Variants in ZFP57 observed in about 807,000 individuals in gnomAD.
ZFP57 encodes zinc finger protein 57 homolog.
A neutral mutation model predicts 15.8 loss-of-function variants in ZFP57; 12 were observed. The observed-to-expected ratio is 0.76, with a 90% CI of 0.49 to 1.23. The LOEUF is 1.23. ZFP57 is among the 50% of genes most tolerant of loss of function. The pLI, the probability that ZFP57 is intolerant of heterozygous loss-of-function variation, is 0.00. For missense variants in ZFP57, 536 were observed against 654.9 expected, an observed-to-expected ratio of 0.82 and a Z score of 1.98; for synonymous variants, 203 against 242.3, an observed-to-expected ratio of 0.84 and a Z score of 1.51.
At chr6:29,674,167 GAGAAGA>G (rs200091395) in intron 4 of ZFP57, among the ~76,000 whole-genome samples, 49 of 148,692 alleles carry the variant, frequency 3.3e-4, no homozygotes, top group African/African-American at 2.5e-4. Context: ...AGAAGAGAAG[GAGAAGA>G]AGAAGAAGAA....
Position 29,673,452 on chromosome 6 carries a change from T to C in ZFP57, c.659A>G (p.Tyr220Cys), listed in dbSNP as rs1438833770. The C allele has an allele frequency of 1.2e-6, 2 of 1,613,118 alleles. No individual in the cohort carries two copies. Among genetic ancestry groups the C allele is most frequent in the South Asian group, 1.1e-5 (1 of 91,092 alleles). The change falls in exon 5 of 5, where the codon TAT (tyrosine) becomes TGT (cysteine). Residue 220 changes from tyrosine (Y) to cysteine (C), a missense_variant. By Grantham distance (194) the Tyr-to-Cys change is radical (BLOSUM62 -2). Transcript: ENST00000376883. This position sits in a 1 kb window ranked among gnomAD's most constrained non-coding sequence, Gnocchi z 4.7. ...CTCCCCAAGATGCATGCGTCTGTGA[T>C]AGCTGAGGGACTTGGGGCTCCGAAA... ...KLFRSPKSLSYHRRMHLGERP... is the reference protein window; with the variant it reads ...KLFRSPKSLSCHRRMHLGERP...
chr6:29,676,813 A>G, intron 2 of ZFP57, 68 bp downstream of exon 2: 1 of 1,589,430 alleles, frequency 6.3e-7, no homozygotes, highest in Non-Finnish European at 8.6e-7. Context: ...TGCAGGCAGG[A>G]GTATGTATGA....
Position 29,673,892 on chromosome 6 carries a change from G to A in ZFP57, c.353-134C>T, listed in dbSNP as rs536469528. 9.2e-5 allele frequency: 91 copies of A among 985,888 alleles called. No individual in the cohort carries two copies. Among genetic ancestry groups the A allele is most frequent in the South Asian group, 5.5e-4 (40 of 72,244 alleles). The allele number at this position is 985,888 out of a possible 1,614,324, so 61.1% of individuals were successfully genotyped here. A position where few individuals can be genotyped will look rare whatever the true frequency, so the allele number is the denominator to read the frequency against. On this transcript the variant is annotated intron_variant, in intron 4 of 4. Coordinates refer to ENST00000376883, the MANE Select transcript of ZFP57 (RefSeq NM_001109809.5). The surrounding 1 kb of genome is among the most constrained non-coding windows in gnomAD (Gnocchi z 4.7). ...GCGGATCACCTGAGGTTAGGAGTTC[G>A]AAACCAGCCTGACCAACATGGTGAA...
At chr6:29,680,043 A>T (rs62392955) in intron 1 of ZFP57, among the ~76,000 whole-genome samples, 7,588 of 152,210 alleles carry the variant, frequency 0.05, 329 homozygotes, top group East Asian at 0.17. Context: ...CTAAGTGTGG[A>T]TTCTAACCCC....
intron 2 of ZFP57, among the ~76,000 whole-genome samples, chr6:29,676,531 G>A (rs3094579): frequency 0.2 from 22,624 of 112,656 alleles, 2,293 homozygotes; most frequent in South Asian, 0.37. Context: ...GCGAGACTCC[G>A]TCTCAAAAAA....
chr6:29,676,265 C>T (rs140030640), intron 2 of ZFP57, among the ~76,000 whole-genome samples: 3 of 152,204 alleles, frequency 2.0e-5, no homozygotes, highest in Non-Finnish European at 4.4e-5. Context: ...AGGCCGGACG[C>T]GGTGGCTCAC....
chr6:29,680,152 G>A (rs913921305), intron 1 of ZFP57, among the ~76,000 whole-genome samples: 3 of 152,106 alleles, frequency 2.0e-5, no homozygotes, highest in African/African-American at 7.2e-5. Context: ...GCCGGCGGGA[G>A]GAGGAAGGAG....
chr6:29,678,653 T>C (rs1772189085), intron 1 of ZFP57, among the ~76,000 whole-genome samples: 1 of 106,256 alleles, frequency 9.4e-6, no homozygotes, highest in Non-Finnish European at 2.3e-5. Context: ...AATTGTTCTA[T>C]CTTATTACTA....
intron 1 of ZFP57, among the ~76,000 whole-genome samples, chr6:29,678,519 G>C (rs988435574): frequency 1.3e-4 from 20 of 152,112 alleles, no homozygotes; most frequent in Admixed American, 1.3e-3. Flanking sequence ...AAAATAAAAA[G>C]GTAAAAATTC....
At chr6:29,676,535 CAAAAAAAAAAAAAAGAAAA>C (rs1398163253) in intron 2 of ZFP57, among the ~76,000 whole-genome samples, 1 of 62,562 alleles carries the variant, frequency 1.6e-5, no homozygotes, top group Non-Finnish European at 3.2e-5. Flanking sequence ...GACTCCGTCT[CAAAAAAAAAAAAAAGAAAA>C]AAAAAAAAAG....
Position 29,677,017 on chromosome 6 carries a change from G to A in ZFP57, c.-14C>T. On this transcript the variant is annotated 5_prime_UTR_variant, in exon 2 of 5. Coordinates refer to ENST00000376883, the MANE Select transcript of ZFP57 (RefSeq NM_001109809.5). ...CTGTTCAAACATCTTCTCTTCTGTG[G>A]TGTCTCTTTCTAGCTTTATCCACTC... 2 of 1,614,052 alleles carry A rather than the reference G, an allele frequency of 1.2e-6. No homozygotes were observed. The highest frequency in any genetic ancestry group is 2.2e-5 in the South Asian group (2 of 91,080).
intron 3 of ZFP57, 97 bp downstream of exon 3, chr6:29,675,836 G>A (rs1166116847): frequency 1.7e-5 from 25 of 1,498,504 alleles, no homozygotes; most frequent in Non-Finnish European, 1.9e-5. Flanking sequence ...CCAGGGGTCA[G>A]TGAAACTAAT....
Position 29,675,991 on chromosome 6 carries a change from G to A in ZFP57, c.192C>T (p.Ser64=), listed in dbSNP as rs779376984. 6 of 1,613,308 alleles carry A rather than the reference G, an allele frequency of 3.7e-6. No homozygotes were observed. Among genetic ancestry groups the A allele is most frequent in the Non-Finnish European group, 5.1e-6 (6 of 1,179,972 alleles). The change falls in exon 3 of 5, where the codon AGC becomes AGT. Residue 64 remains serine, a synonymous_variant. Transcript: ENST00000376883. ...TQEEWDCLDA[S]QRVLYQDVMS... is the part of the protein sequence containing the mutation. ...TAACATCCTGGTAAAGGACCCTCTG[G>A]CTGGCATCTAGACAGTCCCACTCTT...
Position 29,675,489 on chromosome 6 carries a change from T to C in ZFP57, c.251-2A>G. The C allele has an allele frequency of 6.2e-7, 1 of 1,613,730 alleles. No individual in the cohort carries two copies. Among genetic ancestry groups the C allele is most frequent in the Non-Finnish European group, 8.5e-7 (1 of 1,179,658 alleles). On this transcript the variant is annotated splice_acceptor_variant, in intron 3 of 4. Coordinates refer to ENST00000376883, the MANE Select transcript of ZFP57 (RefSeq NM_001109809.5). LOFTEE classifies it high-confidence loss of function. The stretch of plus-strand genomic sequence containing the variant: ...CTGGCTTATGCAGAAAGATTCTGGC[T>C]GATGTGTGGGAATGAGAAAGAGTTG...
intron 4 of ZFP57, among the ~76,000 whole-genome samples, chr6:29,674,306 C>T (rs1394408556): frequency 6.6e-6 from 1 of 152,180 alleles, no homozygotes; most frequent in East Asian, 1.9e-4. Flanking sequence ...CTTCTTGTCT[C>T]TGCCCTTGCT....
At chr6:29,676,355 G>A (rs896236780) in intron 2 of ZFP57, among the ~76,000 whole-genome samples, 1 of 151,910 alleles carries the variant, frequency 6.6e-6, no homozygotes, top group African/African-American at 2.4e-5. Flanking sequence ...GACCAATATG[G>A]TGAAACCTGG....
chr6:29,681,033 G>C (rs896091570), intron 1 of ZFP57, 29 bp downstream of exon 1: 1 of 152,342 alleles, frequency 6.6e-6, no homozygotes, highest in Non-Finnish European at 1.5e-5. Context: ...ACTACCGCTA[G>C]CGCGACTCCC....
chr6:29,673,581 CA>C lies in ZFP57; in HGVS notation c.529del (p.Cys177AlafsTer25), dbSNP rs1272756745. 6.2e-7 allele frequency: 1 copy of C among 1,611,746 alleles called. No homozygotes were observed. The highest frequency in any genetic ancestry group is 1.3e-5 in the African/African-American group (1 of 74,814). ...GCTGAAACATTTGCCACAGGTGTAGCAAAAAAAGGGTGGCCCAGCCTGGGAT... is the reference window on the plus strand; with the variant it reads ...GCTGAAACATTTGCCACAGGTGTAGCAAAAAAGGGTGGCCCAGCCTGGGAT... ...QASQAGPPFF[C>X]YTCGKCFSRR... On this transcript the variant is annotated frameshift_variant, in exon 5 of 5. Transcript: ENST00000376883. LOFTEE classifies it low-confidence loss of function (END_TRUNC). The surrounding 1 kb of genome is among the most constrained non-coding windows in gnomAD (Gnocchi z 4.7).
At position 29,672,914 on chromosome 6, in the gene ZFP57, G is replaced by C; in HGVS notation, c.1197C>G (p.Leu399=). Residue 399 remains leucine (L), a synonymous_variant, in exon 5 of 5, where the codon CTC becomes CTG. Transcript: ENST00000376883. The stretch of plus-strand genomic sequence containing the variant: ...TGAGGTGGGCCTTCTGGTGTCTGGA[G>C]AGATAGGATTTCTTGCTAAAAGTCA... The part of the protein sequence containing the change: ...CSLTFSKKSY[L]SRHQKAHLTE... 4 of 1,613,086 alleles carry C rather than the reference G, an allele frequency of 2.5e-6. No individual in the cohort carries two copies. The highest frequency in any genetic ancestry group is 3.4e-6 in the Non-Finnish European group (4 of 1,180,038).
Sources: gnomAD v4.1 joint callset for allele counts (sites outside exome capture counted in the v4.1 genomes callset) on GRCh38, gnomAD v4.1.1 for gene constraint, Gnocchi (gnomAD v3.1) non-coding constraint, MANE v1.5 for transcripts, NCBI Gene and HGNC (gene_info 2026-07-23, HGNC 2026-07-21) for gene names.